Variants in UBE2V1 observed in about 807,000 individuals in gnomAD.
UBE2V1 encodes the protein ubiquitin conjugating enzyme E2 V1.
In UBE2V1, 15 loss-of-function variants were observed where a neutral mutation model predicts 19.6. That is an observed-to-expected ratio of 0.77 (90% confidence interval 0.51 to 1.18). The LOEUF is 1.18. Among genes scored for constraint, UBE2V1 ranks in the 50% most tolerant of loss-of-function variants. UBE2V1 has a pLI of 0.00. For missense variants in UBE2V1, 125 were observed against 184.8 expected (o/e 0.68, Z 1.88); for synonymous variants, 60 against 60.7 (o/e 0.99, Z 0.05).
chr20:50,088,897 C>T lies in UBE2V1; in HGVS notation c.172-4643G>A, dbSNP rs146575203. 2.6e-3 allele frequency among the ~76,000 whole-genome samples: 391 copies of T among 151,968 alleles called. 2 individuals are homozygous for T. The highest frequency in any genetic ancestry group is 8.9e-3 in the African/African-American group (367 of 41,432). On this transcript the variant is annotated intron_variant, in intron 2 of 3. Transcript: ENST00000371674. ...ATACAAAAAGGAAACATTAGGTCAA[C>T]CAGTCACCTGCTATTCAGTTCCAAT...
intron 1 of UBE2V1, among the ~76,000 whole-genome samples, chr20:50,112,400 T>TG (rs946599994): frequency 2.4e-4 from 36 of 152,202 alleles, no homozygotes; most frequent in African/African-American, 8.4e-4. Context: ...CTGGTAATGA[T>TG]GGGGTCATTT....
intron 2 of UBE2V1, among the ~76,000 whole-genome samples, chr20:50,092,968 C>T (rs2079330441): frequency 6.6e-6 from 1 of 152,220 alleles, no homozygotes; most frequent in African/African-American, 2.4e-5. Flanking sequence ...TATGCATGAG[C>T]TCTTCCTCTG....
intron 1 of UBE2V1, among the ~76,000 whole-genome samples, chr20:50,097,343 T>C (rs2079691700): frequency 6.6e-6 from 1 of 152,216 alleles, no homozygotes; most frequent in South Asian, 2.1e-4. Context: ...ATTCTATTGT[T>C]TTTCAATTAT....
chr20:50,085,214 T>C lies in UBE2V1; in HGVS notation c.172-960A>G, dbSNP rs1004651097. Among the ~76,000 whole-genome samples the C allele has an allele frequency of 2.0e-5, 3 of 152,094 alleles. No individual in the cohort carries two copies. The East Asian group carries it at 5.8e-4, about 29-fold the overall frequency. On this transcript the variant is annotated intron_variant, in intron 2 of 3. Coordinates refer to ENST00000371674, the MANE Select transcript of UBE2V1 (RefSeq NM_001032288.3). ...CAAAAACCGTCCTTCTTTAAAAGGC[T>C]AACTGTGCCTTTGTTGAGAAACACT...
intron 1 of UBE2V1, among the ~76,000 whole-genome samples, chr20:50,107,734 T>C (rs988529675): frequency 1.3e-5 from 2 of 152,228 alleles, no homozygotes; most frequent in African/African-American, 4.8e-5. Flanking sequence ...AAATATTTAC[T>C]GAGTACCTAC....
intron 1 of UBE2V1, among the ~76,000 whole-genome samples, chr20:50,105,150 T>C (rs1425915722): frequency 6.6e-6 from 1 of 152,218 alleles, no homozygotes; most frequent in Non-Finnish European, 1.5e-5. Flanking sequence ...ATGAACTTTG[T>C]TTCATAAAGT....
At chr20:50,093,993 A>ATT (rs1319879346) in intron 2 of UBE2V1, among the ~76,000 whole-genome samples, 47 of 114,474 alleles carry the variant, frequency 4.1e-4, no homozygotes, top group African/African-American at 1.1e-3. Context: ...AACTCAAAAA[A>ATT]AAAAAAAAAA....
chr20:50,091,464 C>T (rs531832937), intron 2 of UBE2V1, among the ~76,000 whole-genome samples: 3 of 138,598 alleles, frequency 2.2e-5, no homozygotes, highest in South Asian at 2.3e-4. Flanking sequence ...AGCAGTGGCG[C>T]GATCTCGGCT....
At chr20:50,111,793 T>TA (rs1003722746) in intron 1 of UBE2V1, among the ~76,000 whole-genome samples, 1 of 152,138 alleles carries the variant, frequency 6.6e-6, no homozygotes, top group Admixed American at 6.5e-5. Flanking sequence ...GGATCACCAA[T>TA]TCCTTCCCAA....
intron 2 of UBE2V1, among the ~76,000 whole-genome samples, chr20:50,089,387 C>T (rs1244391656): frequency 6.6e-6 from 1 of 152,210 alleles, no homozygotes; most frequent in Admixed American, 6.5e-5. Flanking sequence ...TTGAAACACA[C>T]TGCTGATGCC....
chr20:50,101,912 G>A (rs2080026091), intron 1 of UBE2V1, among the ~76,000 whole-genome samples: 1 of 152,180 alleles, frequency 6.6e-6, no homozygotes, highest in Non-Finnish European at 1.5e-5. Flanking sequence ...GCCTTTGAGG[G>A]CTCACAGCCT....
At chr20:50,086,267 C>T (rs935958771) in intron 2 of UBE2V1, among the ~76,000 whole-genome samples, 4 of 152,134 alleles carry the variant, frequency 2.6e-5, no homozygotes, top group Non-Finnish European at 4.4e-5. Flanking sequence ...GAAGTGTTCC[C>T]GATCCCCTCA....
intron 1 of UBE2V1, among the ~76,000 whole-genome samples, chr20:50,111,734 C>A (rs1052180599): frequency 2.0e-5 from 3 of 152,206 alleles, no homozygotes; most frequent in African/African-American, 4.8e-5. Context: ...CTCCTTGAGA[C>A]CGCAGAGTAG....
rs1308627808 is a variant in UBE2V1 at position 50,081,975 on chromosome 20, T to C, written c.*793A>G. On this transcript the variant is annotated 3_prime_UTR_variant, in exon 4 of 4. Transcript: ENST00000371674. ...GGAGGTCAGAGGCTCTTTCCAACCTTACCTGATGGCTTCTGGCCAAAGCAA... is the reference window on the plus strand; with the variant it reads ...GGAGGTCAGAGGCTCTTTCCAACCTCACCTGATGGCTTCTGGCCAAAGCAA... 4.6e-6 allele frequency: 1 copy of C among 215,552 alleles called. No individual in the cohort carries two copies. The highest frequency in any genetic ancestry group is 9.8e-5 in the East Asian group (1 of 10,210). 13.4% of individuals were successfully genotyped at this position (215,552 alleles called of 1,614,324 possible). A position where few individuals can be genotyped will look rare whatever the true frequency, so the allele number is the denominator to read the frequency against.
At chr20:50,099,204 ATGGGC>A (rs10536262) in intron 1 of UBE2V1, among the ~76,000 whole-genome samples, 38,104 of 151,736 alleles carry the variant, frequency 0.25, 6,184 homozygotes, top group African/African-American at 0.48. Flanking sequence ...AGATCGTGCT[ATGGGC>A]TGGGCTGAAC....
chr20:50,092,748 T>C (rs1216889555), intron 2 of UBE2V1, among the ~76,000 whole-genome samples: 1 of 152,130 alleles, frequency 6.6e-6, no homozygotes, highest in Non-Finnish European at 1.5e-5. Context: ...TTTCTTTAAA[T>C]AAACAAACAA....
At chr20:50,085,136 C>A (rs549102711) in intron 2 of UBE2V1, among the ~76,000 whole-genome samples, 1 of 151,988 alleles carries the variant, frequency 6.6e-6, no homozygotes, top group Non-Finnish European at 1.5e-5. Flanking sequence ...CTGATCTGCC[C>A]TCTTCGGCCT....
At chr20:50,089,270 G>C (rs1188988453) in intron 2 of UBE2V1, among the ~76,000 whole-genome samples, 1 of 152,152 alleles carries the variant, frequency 6.6e-6, no homozygotes, top group Non-Finnish European at 1.5e-5. Context: ...GTTGAACTCA[G>C]AACTCTGAGG....
intron 1 of UBE2V1, among the ~76,000 whole-genome samples, chr20:50,099,877 G>A (rs993311387): frequency 2.6e-5 from 4 of 152,158 alleles, no homozygotes; most frequent in African/African-American, 7.2e-5. Flanking sequence ...CAAGACAATC[G>A]TCTGAGGCCA....
Sources: allele counts gnomAD v4.1 joint callset (sites outside exome capture counted in the v4.1 genomes callset), GRCh38; gene constraint gnomAD v4.1.1; transcripts MANE v1.5; gene names NCBI Gene and HGNC (gene_info 2026-07-23, HGNC 2026-07-21).